SPAG16: variants seen among roughly 807,000 people sequenced by gnomAD.
SPAG16 encodes sperm associated antigen 16.
In SPAG16, 86 loss-of-function variants were observed where a neutral mutation model predicts 80.4. The observed-to-expected ratio is 1.07, with a 90% CI of 0.90 to 1.28. The LOEUF is 1.28. Ranked by LOEUF, SPAG16 falls within the 50% of genes most tolerant of loss-of-function variation. SPAG16 has a pLI of 0.00. For synonymous variants in SPAG16, 294 were observed against 265.9 expected, an observed-to-expected ratio of 1.11 and a Z score of -1.03; for missense variants, 870 against 765.3, an observed-to-expected ratio of 1.14 and a Z score of -1.61.
At chr2:213,732,133 G>T (rs906420096) in intron 10 of SPAG16, among the ~76,000 whole-genome samples, 1 of 152,118 alleles carries the variant, frequency 6.6e-6, no homozygotes, top group Non-Finnish European at 1.5e-5. Flanking sequence ...TTCTGCATAT[G>T]GCTAGCCAGT....
chr2:214,104,298 G>A (rs537174929), intron 13 of SPAG16, among the ~76,000 whole-genome samples: 87 of 152,324 alleles, frequency 5.7e-4, no homozygotes, highest in African/African-American at 1.8e-3. Flanking sequence ...GACACAGGCA[G>A]AGAGTTTGGA....
At chr2:213,761,307 T>TA (rs1240267975) in intron 10 of SPAG16, among the ~76,000 whole-genome samples, 3 of 152,154 alleles carry the variant, frequency 2.0e-5, no homozygotes, top group African/African-American at 7.2e-5. Context: ...TATAAGTTCT[T>TA]AAAGATCTCA....
chr2:213,488,575 G>A (rs1364285490), intron 9 of SPAG16, among the ~76,000 whole-genome samples: 1 of 152,026 alleles, frequency 6.6e-6, no homozygotes, highest in Non-Finnish European at 1.5e-5. Context: ...ATGCAGCAAT[G>A]ATAAATGAAA....
chr2:213,833,494 A>ATATTATATATAATAT (rs1559506049), intron 10 of SPAG16, among the ~76,000 whole-genome samples: 1 of 1,444 alleles, frequency 6.9e-4, no homozygotes, highest in African/African-American at 9.2e-4. Flanking sequence ...TATTATATAT[A>ATATTATATATAATAT]ATATATATAT....
chr2:213,867,982 C>T (rs1471248191), intron 11 of SPAG16, among the ~76,000 whole-genome samples: 1 of 146,614 alleles, frequency 6.8e-6, no homozygotes, highest in Non-Finnish European at 1.5e-5. Context: ...AAACTGTCAG[C>T]CACACAGTGG....
intron 15 of SPAG16, among the ~76,000 whole-genome samples, chr2:214,276,113 A>C (rs886769801): frequency 6.6e-6 from 1 of 152,144 alleles, no homozygotes; most frequent in Admixed American, 6.5e-5. Flanking sequence ...CTAGAATTGC[A>C]ACCCCTGCTT....
intron 10 of SPAG16, among the ~76,000 whole-genome samples, chr2:213,718,558 G>A (rs577787759): frequency 3.9e-5 from 6 of 152,320 alleles, no homozygotes; most frequent in South Asian, 4.1e-4. Context: ...CCGGGTGGGC[G>A]TGGGCTTGGT....
intron 10 of SPAG16, among the ~76,000 whole-genome samples, chr2:213,818,040 CTT>C (rs1363505642): frequency 1.3e-5 from 2 of 152,124 alleles, no homozygotes; most frequent in South Asian, 2.1e-4. Context: ...GTAAGCTTCT[CTT>C]GTTTCTTCCC....
chr2:213,493,227 A>G (rs1279577288), intron 10 of SPAG16, among the ~76,000 whole-genome samples: 4 of 152,234 alleles, frequency 2.6e-5, no homozygotes, highest in Admixed American at 2.0e-4. Flanking sequence ...AAACTTAAAT[A>G]TTAAAATAAG....
intron 10 of SPAG16, among the ~76,000 whole-genome samples, chr2:213,573,749 G>T (rs906607484): frequency 1.1e-4 from 16 of 152,108 alleles, no homozygotes; most frequent in South Asian, 2.1e-4. Context: ...AAATTTCTGT[G>T]AATATTTGTT....
At position 213,969,140 on chromosome 2, in the gene SPAG16, A is replaced by G. The variant is rs7567030; in HGVS notation, c.1400+38995A>G. Among the ~76,000 whole-genome samples, 884 of 152,334 alleles carry G rather than the reference A, an allele frequency of 5.8e-3. 10 individuals carry two copies. Among genetic ancestry groups the G allele is most frequent in the African/African-American group, 0.02 (840 of 41,580 alleles). On this transcript the variant is annotated intron_variant, in intron 12 of 15. Coordinates refer to ENST00000331683, the MANE Select transcript of SPAG16 (RefSeq NM_024532.5). ...ATTAACTTTGGCTAAAGTAGATAAC[A>G]GTAAGATATAGGCAAAGACATGGTA...
chr2:214,070,987 G>A (rs932437072), intron 13 of SPAG16, among the ~76,000 whole-genome samples: 1 of 152,050 alleles, frequency 6.6e-6, no homozygotes, highest in African/African-American at 2.4e-5. Context: ...ACCTTCATCT[G>A]CCCTACCCGG....
chr2:213,349,939 A>T (rs1470727382), intron 6 of SPAG16, among the ~76,000 whole-genome samples: 1 of 152,204 alleles, frequency 6.6e-6, no homozygotes, highest in African/African-American at 2.4e-5. Flanking sequence ...TAAGAGCTGT[A>T]TGTTTTATCC....
chr2:213,908,472 A>G (rs560232132), intron 11 of SPAG16, among the ~76,000 whole-genome samples: 2 of 152,196 alleles, frequency 1.3e-5, no homozygotes, highest in South Asian at 2.1e-4. Context: ...GTGTTTCTCT[A>G]TTTCTTTCTT....
chr2:214,196,359 G>A (rs1307493810), intron 15 of SPAG16, among the ~76,000 whole-genome samples: 1 of 151,976 alleles, frequency 6.6e-6, no homozygotes, highest in Non-Finnish European at 1.5e-5. Context: ...TGCATCCAGA[G>A]GAACTTCATG....
intron 6 of SPAG16, among the ~76,000 whole-genome samples, chr2:213,343,966 T>C (rs986598448): frequency 6.6e-6 from 1 of 152,122 alleles, no homozygotes; most frequent in Non-Finnish European, 1.5e-5. Context: ...TTCCAATTGT[T>C]AAGTATACAA....
At chr2:213,459,187 C>A (rs774989895) in intron 9 of SPAG16, among the ~76,000 whole-genome samples, 19 of 152,216 alleles carry the variant, frequency 1.2e-4, no homozygotes, top group Middle Eastern at 3.4e-3. Flanking sequence ...TGACTGAGTT[C>A]TTCATTTTCT....
chr2:213,421,588 A>G (rs541529760), intron 9 of SPAG16, among the ~76,000 whole-genome samples: 2 of 152,340 alleles, frequency 1.3e-5, no homozygotes, highest in Non-Finnish European at 2.9e-5. Flanking sequence ...TGGAGTCCAC[A>G]ACTGGGAGTG....
chr2:213,595,428 G>T (rs1232275505), intron 10 of SPAG16, among the ~76,000 whole-genome samples: 4 of 152,108 alleles, frequency 2.6e-5, no homozygotes, highest in Admixed American at 2.0e-4. Flanking sequence ...GGTAACTATT[G>T]TCTATTAGGT....
Sources: allele counts gnomAD v4.1 joint callset (sites outside exome capture counted in the v4.1 genomes callset), GRCh38; gene constraint gnomAD v4.1.1; transcripts MANE v1.5; gene names NCBI Gene and HGNC (gene_info 2026-07-23, HGNC 2026-07-21).